Variants in TFRC observed in about 807,000 individuals in gnomAD.
TFRC encodes the protein transferrin receptor protein 1.
TFRC carries 35 observed loss-of-function variants against 85.8 expected under a neutral mutation model. The ratio of observed to expected loss-of-function variants is 0.41; its 90% confidence interval spans 0.31 to 0.54. The LOEUF (loss-of-function observed/expected upper bound fraction) is 0.54, where lower values mean the gene tolerates loss of function less well. Among genes scored for constraint, TFRC ranks in the 20% least tolerant of loss-of-function variants. TFRC has a pLI of 0.31. For missense variants in TFRC, 828 were observed against 921.5 expected, an observed-to-expected ratio of 0.90 and a Z score of 1.31; for synonymous variants, 362 against 328.6, an observed-to-expected ratio of 1.10 and a Z score of -1.10.
At chr3:196,065,071 T>TG (rs1289514396) in intron 10 of TFRC, among the ~76,000 whole-genome samples, 1 of 151,962 alleles carries the variant, frequency 6.6e-6, no homozygotes, top group East Asian at 1.9e-4. Context: ...TCATGGAGCC[T>TG]GACCAACATG....
chr3:196,057,190 G>A (rs1028743665), intron 16 of TFRC, among the ~76,000 whole-genome samples: 6 of 152,180 alleles, frequency 3.9e-5, no homozygotes, highest in East Asian at 3.8e-4. Flanking sequence ...ACAGCCCAGC[G>A]CTGCCGCACC....
intron 1 of TFRC, among the ~76,000 whole-genome samples, chr3:196,077,360 G>A (rs1246043704): frequency 6.6e-6 from 1 of 151,626 alleles, no homozygotes; most frequent in Non-Finnish European, 1.5e-5. Flanking sequence ...ATGTTGCCCA[G>A]GCTGGTCTTG....
chr3:196,062,743 C>T, intron 12 of TFRC, 98 bp from the exon 13 acceptor site: 1 of 1,549,304 alleles, frequency 6.5e-7, no homozygotes, highest in Non-Finnish European at 8.9e-7. Flanking sequence ...TCTACTGAGA[C>T]TAAACGCAAA....
At chr3:196,069,303 T>C in intron 7 of TFRC, 152 bp downstream of exon 7, 1 of 588,116 alleles carries the variant, frequency 1.7e-6, no homozygotes, top group Non-Finnish European at 3.0e-6. Flanking sequence ...ACTTACTTCA[T>C]TTGTTGAGCA....
At position 196,068,007 on chromosome 3, in the gene TFRC, G is replaced by A. The variant is rs773417911; in HGVS notation, c.900+25C>T. The A allele has an allele frequency of 1.5e-5, 24 of 1,583,134 alleles. No individual in the cohort carries two copies. The Admixed American group carries it at 3.6e-4, about 24-fold the overall frequency. ...AGAACAACTCAAGGAACTCAAAACG[G>A]TGATTTACTCAAGAAATAACTCACA... On this transcript the variant is annotated intron_variant, in intron 8 of 18. Coordinates refer to ENST00000360110, the MANE Select transcript of TFRC (RefSeq NM_001128148.3).
chr3:196,064,497 C>T (rs1717553733), intron 10 of TFRC, 69 bp from the exon 11 acceptor site: 1 of 1,457,748 alleles, frequency 6.9e-7, no homozygotes, highest in African/African-American at 1.4e-5. Context: ...AGAATTAGCA[C>T]ATCAGTAGAA....
chr3:196,052,285 G>A (rs1413522060), intron 18 of TFRC, 101 bp from the exon 19 acceptor site: 17 of 970,864 alleles, frequency 1.8e-5, no homozygotes, highest in East Asian at 1.7e-4. Flanking sequence ...TAAGAATGCC[G>A]ATCAGACTTT....
intron 11 of TFRC, chr3:196,063,150 T>G: frequency 2.0e-6 from 1 of 503,662 alleles, no homozygotes; most frequent in Non-Finnish European, 3.5e-6. Flanking sequence ...TAATTTTTTT[T>G]AAAGTAACCT....
chr3:196,053,976 C>A (rs947533632), intron 17 of TFRC, among the ~76,000 whole-genome samples: 12 of 152,186 alleles, frequency 7.9e-5, no homozygotes, highest in Non-Finnish European at 1.8e-4. Context: ...GTGGCTCATG[C>A]CTGTGATCCC....
At chr3:196,069,134 C>T (rs1295289166) in intron 7 of TFRC, among the ~76,000 whole-genome samples, 1 of 151,994 alleles carries the variant, frequency 6.6e-6, no homozygotes, top group Non-Finnish European at 1.5e-5. Context: ...CAGAAATCAC[C>T]ACTGTCTTTT....
chr3:196,060,797 CAAAAAAA>C (rs1173946134), intron 13 of TFRC, among the ~76,000 whole-genome samples: 8 of 36,946 alleles, frequency 2.2e-4, no homozygotes, highest in South Asian at 1.6e-3. Flanking sequence ...GACTCCATCT[CAAAAAAA>C]AAAAAAAAAA....
intron 2 of TFRC, 70 bp downstream of exon 2, chr3:196,076,994 A>G (rs1188775929): frequency 7.9e-6 from 11 of 1,393,160 alleles, no homozygotes; most frequent in Non-Finnish European, 1.1e-5. Context: ...TTTCATGCTT[A>G]CTCAGTTAAA....
Position 196,061,000 on chromosome 3 carries a change from C to A in TFRC, c.1469-753G>T, listed in dbSNP as rs41297475. On this transcript the variant is annotated intron_variant, in intron 13 of 18. Coordinates refer to ENST00000360110, the MANE Select transcript of TFRC (RefSeq NM_001128148.3). ...TGCTTGCTATACTCAGCACATTCTG[C>A]GGCAAACATACAACAGGGAAATAAC... Among the ~76,000 whole-genome samples the A allele has an allele frequency of 6.0e-4, 92 of 152,108 alleles. No individual in the cohort carries two copies. In the East Asian group the frequency reaches 0.011, roughly 19 times the overall value.
intron 17 of TFRC, 130 bp downstream of exon 17, chr3:196,054,950 T>C (rs1716646874): frequency 1.1e-6 from 1 of 914,752 alleles, no homozygotes; most frequent in South Asian, 1.5e-5. Context: ...TACATACAAT[T>C]ATACCTCAGT....
At position 196,065,618 on chromosome 3, in the gene TFRC, G is replaced by C. The variant is rs773558630; in HGVS notation, c.1041-18C>G. ...CCATATTCCTAGAATCAGAAAGCAG[G>C]CGTAAGTTCTGAGTTATTGTTCCTT... On this transcript the variant is annotated intron_variant, in intron 9 of 18. Coordinates refer to ENST00000360110, the MANE Select transcript of TFRC (RefSeq NM_001128148.3). 6 of 1,587,956 alleles carry C rather than the reference G, an allele frequency of 3.8e-6. No individual in the cohort carries two copies.
rs1717887572 is a variant in TFRC at position 196,068,147 on chromosome 3, A to G, written c.802-17T>C. 6.3e-7 allele frequency: 1 copy of G among 1,581,238 alleles called. No individual in the cohort carries two copies. Among genetic ancestry groups the G allele is most frequent in the Non-Finnish European group, 8.7e-7 (1 of 1,154,614 alleles). On this transcript the variant is annotated splice_polypyrimidine_tract_variant and intron_variant, in intron 7 of 18. Coordinates refer to ENST00000360110, the MANE Select transcript of TFRC (RefSeq NM_001128148.3). ...ATTTGCAACCTAAAAGAAAACATAT[A>G]AAGCTCAGAAAATGAAGATCTGATC...
chr3:196,064,463 T>C (rs747982807), intron 10 of TFRC, 35 bp from the exon 11 acceptor site: 21 of 1,554,612 alleles, frequency 1.4e-5, no homozygotes, highest in Non-Finnish European at 1.6e-5. Context: ...AAAGAACTTA[T>C]ATAATCAGCT....
At chr3:196,069,639 G>T in intron 6 of TFRC, 71 bp from the exon 7 acceptor site, 1 of 991,150 alleles carries the variant, frequency 1.0e-6, no homozygotes, top group Non-Finnish European at 1.5e-6. Flanking sequence ...AGACAGAAGA[G>T]TGTTATAGAT....
chr3:196,062,268 C>T (rs776819892), intron 13 of TFRC: 1 of 309,824 alleles, frequency 3.2e-6, no homozygotes, highest in Admixed American at 5.0e-5. Flanking sequence ...TCTGGCCAGG[C>T]ACAGTGGCCC....
Sources: gnomAD v4.1 joint callset for allele counts (sites outside exome capture counted in the v4.1 genomes callset) on GRCh38, gnomAD v4.1.1 for gene constraint, MANE v1.5 for transcripts, NCBI Gene and HGNC (gene_info 2026-07-23, HGNC 2026-07-21) for gene names.